The following SAMD12 variants were observed in gnomAD, a reference collection of about 807,000 sequenced individuals.
The protein encoded by SAMD12 is sterile alpha motif domain containing 12.
SAMD12 carries 9 observed loss-of-function variants against 15.0 expected under a neutral mutation model. The ratio of observed to expected loss-of-function variants is 0.60; its 90% CI spans 0.36 to 1.05. The LOEUF is 1.05. Among genes scored for constraint, SAMD12 ranks in the 50% least tolerant of loss-of-function variants. SAMD12 has a pLI of 0.01. For synonymous variants in SAMD12, 86 were observed against 90.1 expected (o/e 0.96, Z 0.25); for missense variants, 230 against 234.2 (o/e 0.98, Z 0.12).
rs199665663 is a variant in SAMD12, at chr8:118,438,420, A to AAAT, written c.322+1411_322+1412insATT. On this transcript the variant is annotated intron_variant, in intron 3 of 3. Transcript: ENST00000314727. ...TTTAGTGCTTAAATGTTTAAAAAAA[A>AAAT]TTTTTTTTAATCAATCAAGTTTTCA... Among the ~76,000 whole-genome samples, 25 of 151,516 alleles carry AAAT rather than the reference A, an allele frequency of 1.6e-4. No homozygotes were observed. The East Asian group carries it at 3.1e-3, about 19-fold the overall frequency.
chr8:118,232,748 T>C (rs1055034798), intron 4 of SAMD12, among the ~76,000 whole-genome samples: 3 of 152,124 alleles, frequency 2.0e-5, no homozygotes, highest in Admixed American at 6.5e-5. Flanking sequence ...GGAAGGTTGA[T>C]TCAGTTATTC....
At chr8:118,240,928 T>C (rs1278174800) in intron 4 of SAMD12, among the ~76,000 whole-genome samples, 1 of 152,082 alleles carries the variant, frequency 6.6e-6, no homozygotes, top group East Asian at 1.9e-4. Context: ...TAATTAAGAT[T>C]ACACTGAAGA....
At chr8:118,540,493 G>A (rs1039989792) in intron 2 of SAMD12, among the ~76,000 whole-genome samples, 4 of 152,138 alleles carry the variant, frequency 2.6e-5, no homozygotes, top group African/African-American at 9.7e-5. Flanking sequence ...AACCCTGGGT[G>A]TGTATATATA....
chr8:118,448,682 A>G (rs745604198), intron 2 of SAMD12, among the ~76,000 whole-genome samples: 2 of 152,216 alleles, frequency 1.3e-5, no homozygotes, highest in African/African-American at 4.8e-5. Context: ...TATAATTCTT[A>G]GCAAGACAGC....
chr8:118,240,196 C>A lies in SAMD12; in HGVS notation c.434-42464G>T, dbSNP rs28365497. 8.5e-4 allele frequency among the ~76,000 whole-genome samples: 129 copies of A among 152,200 alleles called. 1 individual carries two copies. The East Asian group carries it at 0.022, about 26-fold the overall frequency. On this transcript the variant is annotated intron_variant, in intron 4 of 4. Transcript: ENST00000409003. Reference sequence around the variant, plus strand: ...ACAGCCACGTGAGTGATGTTGGAAGCAAATATTCTAGCTCTGGTGGAGTCT... The same window carrying A: ...ACAGCCACGTGAGTGATGTTGGAAGAAAATATTCTAGCTCTGGTGGAGTCT...
downstream of SAMD12, among the ~76,000 whole-genome samples, chr8:118,185,974 T>G (rs1422652767): frequency 2.6e-5 from 4 of 152,204 alleles, no homozygotes; most frequent in African/African-American, 9.6e-5. Context: ...AAGCACTGGT[T>G]GGTCTAGAAC....
At chr8:118,340,582 A>C (rs1011490866) in intron 4 of SAMD12, among the ~76,000 whole-genome samples, 2 of 152,304 alleles carry the variant, frequency 1.3e-5, no homozygotes, top group Admixed American at 1.3e-4. Context: ...CAGCCTGGCC[A>C]ATATGGCGAA....
intron 2 of SAMD12, among the ~76,000 whole-genome samples, chr8:118,468,534 A>G (rs759555595): frequency 8.5e-5 from 13 of 152,130 alleles, no homozygotes; most frequent in Non-Finnish European, 1.5e-4. Flanking sequence ...TCTATTTTTA[A>G]TATGAAAGTT....
At chr8:118,262,593 G>A (rs1813104612) in intron 4 of SAMD12, among the ~76,000 whole-genome samples, 1 of 152,046 alleles carries the variant, frequency 6.6e-6, no homozygotes, top group African/African-American at 2.4e-5. Flanking sequence ...AAAATGAGGT[G>A]GCGGCACAGA....
At chr8:118,145,489 T>C in the SAMD12 span, among the ~76,000 whole-genome samples, 1 of 152,202 alleles carries the variant, frequency 6.6e-6, no homozygotes, top group Non-Finnish European at 1.5e-5. Context: ...TCCTACTGTG[T>C]GTTGTTCTGG....
chr8:118,617,744 A>G (rs947733720), intron 1 of SAMD12, among the ~76,000 whole-genome samples: 1 of 152,148 alleles, frequency 6.6e-6, no homozygotes, highest in Non-Finnish European at 1.5e-5. Flanking sequence ...GTGCATTTAT[A>G]TGTCATTCAT....
chr8:118,456,950 A>G (rs545709782), intron 2 of SAMD12, among the ~76,000 whole-genome samples: 1 of 152,300 alleles, frequency 6.6e-6, no homozygotes, highest in South Asian at 2.1e-4. Context: ...TGGTTTTTCC[A>G]TTCACTAGCT....
chr8:118,548,698 C>T (rs974454590), intron 2 of SAMD12, among the ~76,000 whole-genome samples: 4 of 152,154 alleles, frequency 2.6e-5, no homozygotes, highest in Middle Eastern at 3.2e-3. Context: ...TGCAGCGCAC[C>T]GTGCGCGAGC....
At chr8:118,168,063 G>A in the SAMD12 span, among the ~76,000 whole-genome samples, 8 of 152,246 alleles carry the variant, frequency 5.3e-5, no homozygotes, top group Non-Finnish European at 8.8e-5. Context: ...TAGTGAATAC[G>A]TCTCATGAAA....
chr8:118,233,683 G>A (rs1276508280), intron 4 of SAMD12, among the ~76,000 whole-genome samples: 1 of 152,168 alleles, frequency 6.6e-6, no homozygotes, highest in African/African-American at 2.4e-5. Context: ...TAAAGGCTGG[G>A]AAAAGAGGTT....
intron 3 of SAMD12, among the ~76,000 whole-genome samples, chr8:118,382,515 G>A (rs1004853817): frequency 3.3e-5 from 5 of 152,166 alleles, no homozygotes; most frequent in African/African-American, 1.2e-4. Flanking sequence ...TTTCTACTTT[G>A]GTGGGTTAAT....
intron 4 of SAMD12, among the ~76,000 whole-genome samples, chr8:118,216,078 C>A (rs1165117396): frequency 6.6e-6 from 1 of 151,776 alleles, no homozygotes; most frequent in Non-Finnish European, 1.5e-5. Flanking sequence ...TACAGTCCCA[C>A]CAGCAGTGTA....
At chr8:118,191,691 G>T (rs1043124280) in exon 5 of SAMD12, 2 of 144,532 alleles carry the variant, frequency 1.4e-5, no homozygotes, top group African/African-American at 5.1e-5. Flanking sequence ...CATAGAGCCA[G>T]CAGGCAGTTC....
intron 4 of SAMD12, among the ~76,000 whole-genome samples, chr8:118,269,001 G>A (rs190505044): frequency 6.6e-6 from 1 of 152,068 alleles, no homozygotes; most frequent in South Asian, 2.1e-4. Context: ...TGAATATAGA[G>A]AGTAAAAGAA....
Sources: allele counts gnomAD v4.1 joint callset (sites outside exome capture counted in the v4.1 genomes callset), GRCh38; gene constraint gnomAD v4.1.1; transcripts MANE v1.5; gene names NCBI Gene and HGNC (gene_info 2026-07-23, HGNC 2026-07-21).